Variants in LARS2 observed in about 807,000 individuals in gnomAD.
LARS2 encodes the protein leucyl-tRNA synthetase 2, mitochondrial.
Under a neutral mutation model 116.6 loss-of-function variants are expected in LARS2, and 81 were observed. That is an observed-to-expected ratio of 0.69 (90% confidence interval 0.58 to 0.84). The LOEUF (loss-of-function observed/expected upper bound fraction) is 0.84, where lower values mean the gene tolerates loss of function less well. Among genes scored for constraint, LARS2 ranks in the 40% least tolerant of loss-of-function variants. The probability of loss-of-function intolerance (pLI) is 0.00; values close to 1 mark genes in which losing one functional copy is unlikely to be tolerated. For synonymous variants in LARS2, 396 were observed against 407.2 expected (o/e 0.97, Z 0.33); for missense variants, 968 against 1,114.5 (o/e 0.87, Z 1.87).
At chr3:45,539,121 A>G (rs960910444) in intron 20 of LARS2, among the ~76,000 whole-genome samples, 4 of 152,218 alleles carry the variant, frequency 2.6e-5, no homozygotes, top group African/African-American at 7.2e-5. Context: ...AAAGTTGACC[A>G]TGTTATTTTT....
Position 45,401,251 on chromosome 3 carries a change from C to T in LARS2, c.363+878C>T, listed in dbSNP as rs138165305. Reference sequence around the variant, plus strand: ...GGCACCTGGCTCATGCCTGTAATTCCAGTGCTTTGGGAGGCCCAGGCAGGA... The same window carrying T: ...GGCACCTGGCTCATGCCTGTAATTCTAGTGCTTTGGGAGGCCCAGGCAGGA... On this transcript the variant is annotated intron_variant, in intron 4 of 21. Coordinates refer to ENST00000645846, the MANE Select transcript of LARS2 (RefSeq NM_015340.4). Among the ~76,000 whole-genome samples the T allele has an allele frequency of 5.1e-4, 78 of 152,166 alleles. No individual in the cohort carries two copies. The Middle Eastern group carries it at 0.01, about 20-fold the overall frequency.
chr3:45,422,439 CAT>C (rs781033087), intron 6 of LARS2: 3 of 152,014 alleles, frequency 2.0e-5, no homozygotes, highest in South Asian at 2.1e-4. Flanking sequence ...GGATAAATAA[CAT>C]ATTTTCTTCT....
rs373018854 is a variant in LARS2, at chr3:45,428,305, G to A, written c.516+8576G>A. On this transcript the variant is annotated intron_variant, in intron 6 of 21. Coordinates refer to ENST00000645846, the MANE Select transcript of LARS2 (RefSeq NM_015340.4). ...ATCACCCAGGCTGGAGTGCAGTGGC[G>A]CGATCTTGGCTCACTGCAAGCTCCA... Among the ~76,000 whole-genome samples the A allele has an allele frequency of 6.5e-4, 87 of 134,776 alleles. 1 individual carries two copies. Among genetic ancestry groups the A allele is most frequent in the African/African-American group, 2.1e-3 (76 of 36,964 alleles). 88.4% of individuals were successfully genotyped at this position (134,776 alleles called of 152,430 possible).
At chr3:45,399,842 C>CAT (rs1372302391) in intron 3 of LARS2, among the ~76,000 whole-genome samples, 2 of 151,944 alleles carry the variant, frequency 1.3e-5, no homozygotes, top group Non-Finnish European at 2.9e-5. Context: ...TCTTATGCCT[C>CAT]ATAGCTTAGC....
intron 19 of LARS2, among the ~76,000 whole-genome samples, chr3:45,521,023 G>A (rs1348742158): frequency 6.6e-6 from 1 of 152,168 alleles, no homozygotes; most frequent in Non-Finnish European, 1.5e-5. Context: ...AAAATAATTA[G>A]GCCAGGCATG....
At chr3:45,474,613 G>A (rs1259370891) in intron 9 of LARS2, among the ~76,000 whole-genome samples, 1 of 152,152 alleles carries the variant, frequency 6.6e-6, no homozygotes, top group Non-Finnish European at 1.5e-5. Context: ...TAAAGAAAGA[G>A]TTTACATTTT....
At chr3:45,479,148 G>A (rs2125721782) in intron 10 of LARS2, among the ~76,000 whole-genome samples, 1 of 152,112 alleles carries the variant, frequency 6.6e-6, no homozygotes, top group South Asian at 2.1e-4. Flanking sequence ...TCTACATATC[G>A]GCTCCTGATT....
At chr3:45,521,944 A>G (rs970485852) in intron 19 of LARS2, among the ~76,000 whole-genome samples, 3 of 152,042 alleles carry the variant, frequency 2.0e-5, no homozygotes, top group Admixed American at 2.0e-4. Context: ...TTCATCTGTA[A>G]AAAATTTAAA....
intron 20 of LARS2, among the ~76,000 whole-genome samples, chr3:45,529,463 C>T (rs990126173): frequency 4.6e-5 from 7 of 151,118 alleles, no homozygotes; most frequent in Admixed American, 1.3e-4. Flanking sequence ...GCAGGAGAAT[C>T]GCTTGAACCC....
At chr3:45,439,624 GT>G (rs11325399) in intron 6 of LARS2, among the ~76,000 whole-genome samples, 8,008 of 145,284 alleles carry the variant, frequency 0.055, 285 homozygotes, top group East Asian at 0.1. Flanking sequence ...ATTTCTAACT[GT>G]TTTTTTTTTT....
chr3:45,518,052 A>C lies in LARS2; in HGVS notation c.2194A>C (p.Lys732Gln). 6.2e-7 allele frequency: 1 copy of C among 1,613,048 alleles called. No homozygotes were observed. Among genetic ancestry groups the C allele is most frequent in the Non-Finnish European group, 8.5e-7 (1 of 1,179,296 alleles). The change falls in exon 18 of 22, where the codon AAG (lysine) becomes CAG (glutamine). Residue 732 changes from lysine (K) to glutamine (Q), a missense_variant. Coordinates refer to ENST00000645846, the MANE Select transcript of LARS2 (RefSeq NM_015340.4). ...KAEARKLWEY[K>Q]NSVISQVTTH... ...TGAGGCCAGGAAGCTCTGGGAGTACAAGAACTCCGTCATCTCTCAGGTCAG... is the reference window on the plus strand; with the variant it reads ...TGAGGCCAGGAAGCTCTGGGAGTACCAGAACTCCGTCATCTCTCAGGTCAG...
chr3:45,488,792 A>G lies in LARS2; in HGVS notation c.1219A>G (p.Arg407Gly), dbSNP rs1181657235. 1 of 1,610,420 alleles carries G rather than the reference A, an allele frequency of 6.2e-7. No individual in the cohort carries two copies. Among genetic ancestry groups the G allele is most frequent in the Non-Finnish European group, 8.5e-7 (1 of 1,176,618 alleles). Residue 407 changes from arginine (R) to glycine (G), a missense_variant, in exon 12 of 22, where the codon AGA (arginine) becomes GGA (glycine). Coordinates refer to ENST00000645846, the MANE Select transcript of LARS2 (RefSeq NM_015340.4). ...VIETLPDGTERLSSSAEFTGM... is the reference protein window; with the variant it reads ...VIETLPDGTEGLSSSAEFTGM... ...TGAAACTTTGCCAGATGGCACAGAG[A>G]GACTGAGCAGCTCTGCTGAGGTTGG...
At chr3:45,477,976 A>G (rs755700248) in intron 10 of LARS2, among the ~76,000 whole-genome samples, 4 of 152,224 alleles carry the variant, frequency 2.6e-5, no homozygotes, top group Non-Finnish European at 4.4e-5. Flanking sequence ...TTGGTGGGGC[A>G]TAGATGAGCC....
At chr3:45,459,027 A>G in intron 8 of LARS2, 141 bp downstream of exon 8, 2 of 789,110 alleles carry the variant, frequency 2.5e-6, no homozygotes, top group South Asian at 3.4e-5. Context: ...GACAGGAAGC[A>G]GCTGAGCCTC....
At chr3:45,392,424 A>G (rs1248608358) in intron 2 of LARS2, among the ~76,000 whole-genome samples, 1 of 150,534 alleles carries the variant, frequency 6.6e-6, no homozygotes, top group Non-Finnish European at 1.5e-5. Context: ...CCACCCTAGT[A>G]GCTAGGATTA....
intron 8 of LARS2, among the ~76,000 whole-genome samples, chr3:45,468,519 G>C (rs1699472306): frequency 6.6e-6 from 1 of 152,186 alleles, no homozygotes; most frequent in Non-Finnish European, 1.5e-5. Flanking sequence ...AGGTGACATA[G>C]GTGGCTCTGA....
intron 4 of LARS2, among the ~76,000 whole-genome samples, chr3:45,412,190 C>A (rs1698341953): frequency 6.6e-6 from 1 of 151,904 alleles, no homozygotes; most frequent in African/African-American, 2.4e-5. Flanking sequence ...AATTTATAAT[C>A]CTTTGGGTAT....
intron 20 of LARS2, among the ~76,000 whole-genome samples, chr3:45,530,945 C>G (rs115107896): frequency 0.011 from 1,699 of 152,276 alleles, 29 homozygotes; most frequent in African/African-American, 0.038. Flanking sequence ...TGTGGTTAAA[C>G]TTAGAATTAA....
At chr3:45,445,672 G>A (rs527890105) in intron 6 of LARS2, among the ~76,000 whole-genome samples, 8 of 152,308 alleles carry the variant, frequency 5.3e-5, no homozygotes, top group Non-Finnish European at 1.2e-4. Context: ...AGTCAGAGTT[G>A]TGTTATTTTC....
Sources: gnomAD v4.1 joint callset for allele counts (sites outside exome capture counted in the v4.1 genomes callset) on GRCh38, gnomAD v4.1.1 for gene constraint, MANE v1.5 for transcripts, NCBI Gene and HGNC (gene_info 2026-07-23, HGNC 2026-07-21) for gene names.